Variants in KIF27 observed in about 807,000 individuals in gnomAD.
KIF27 encodes the protein kinesin-like protein KIF27.
In KIF27, 84 loss-of-function variants were observed where a neutral mutation model predicts 141.8. The observed-to-expected ratio is 0.59, with a 90% CI of 0.50 to 0.71. KIF27 has a LOEUF of 0.71. Among genes scored for constraint, KIF27 ranks in the 30% least tolerant of loss-of-function variants. KIF27 has a pLI of 0.00. For synonymous variants in KIF27, 471 were observed against 569.5 expected, an observed-to-expected ratio of 0.83 and a Z score of 2.46; for missense variants, 1,306 against 1,628.4, an observed-to-expected ratio of 0.80 and a Z score of 3.41.
At chr9:83,914,179 T>C (rs2132778890) in intron 2 of KIF27, among the ~76,000 whole-genome samples, 1 of 149,976 alleles carries the variant, frequency 6.7e-6, no homozygotes, top group East Asian at 1.9e-4. Flanking sequence ...AAGCACATAA[T>C]GGATCATTAG....
At chr9:83,859,575 A>G (rs1949649846) in intron 13 of KIF27, 2 of 528,300 alleles carry the variant, frequency 3.8e-6, no homozygotes, top group South Asian at 4.5e-5. Flanking sequence ...CTTGTTCCCC[A>G]GGCTAGAGTG....
chr9:83,837,821 T>C (rs1946064697), intron 17 of KIF27: 1 of 181,838 alleles, frequency 5.5e-6, no homozygotes, highest in Admixed American at 5.9e-5. Context: ...TTCTTGCTAC[T>C]AGTGAATTCT....
intron 15 of KIF27, among the ~76,000 whole-genome samples, chr9:83,852,156 C>G (rs73463313): frequency 6.8e-6 from 1 of 146,796 alleles, no homozygotes; most frequent in Non-Finnish European, 1.5e-5. Context: ...AAAGAGTTAT[C>G]TCTATCAGCC....
At chr9:83,883,181 G>T (rs1044759211) in intron 10 of KIF27, among the ~76,000 whole-genome samples, 1 of 152,094 alleles carries the variant, frequency 6.6e-6, no homozygotes, top group African/African-American at 2.4e-5. Context: ...TAGACCATGA[G>T]AGATAAAGAA....
At chr9:83,902,136 T>C (rs1341484884) in intron 4 of KIF27, among the ~76,000 whole-genome samples, 5 of 152,212 alleles carry the variant, frequency 3.3e-5, no homozygotes, top group African/African-American at 1.2e-4. Flanking sequence ...AAATGCCTTC[T>C]TTATAATATT....
rs555629905 is a variant in KIF27 at position 83,841,556 on chromosome 9, T to C, written c.3721+681A>G. 1.3e-3 allele frequency among the ~76,000 whole-genome samples: 201 copies of C among 152,370 alleles called. 3 individuals are homozygous for C. Among genetic ancestry groups the C allele is most frequent in the Non-Finnish European group, 8.8e-5 (6 of 68,040 alleles). ...AACCATACTTAAATTATCGAAGTTA[T>C]TAGAATTATTAGAAATTATCAGCTA... On this transcript the variant is annotated intron_variant, in intron 17 of 17. Transcript: ENST00000297814.
At chr9:83,893,725 A>G (rs1952904507) in intron 5 of KIF27, among the ~76,000 whole-genome samples, 1 of 152,060 alleles carries the variant, frequency 6.6e-6, no homozygotes, top group Admixed American at 6.6e-5. Context: ...GGTTACCCCA[A>G]AAGTAGAAGG....
chr9:83,844,184 A>AC (rs1371754879), intron 16 of KIF27, among the ~76,000 whole-genome samples: 72 of 152,042 alleles, frequency 4.7e-4, no homozygotes, highest in Non-Finnish European at 4.4e-5. Flanking sequence ...CGAACATCAG[A>AC]CCCCAAGCTC....
chr9:83,856,292 T>C (rs1394937456), intron 14 of KIF27, among the ~76,000 whole-genome samples: 1 of 152,152 alleles, frequency 6.6e-6, no homozygotes, highest in East Asian at 1.9e-4. Context: ...GAGCAAGCAC[T>C]GCAGAGATTT....
chr9:83,918,331 G>A (rs1179143681), intron 1 of KIF27, among the ~76,000 whole-genome samples: 1 of 142,662 alleles, frequency 7.0e-6, no homozygotes, highest in African/African-American at 2.6e-5. Context: ...AATGGGGGGG[G>A]GGCAGGACAG....
At chr9:83,868,366 TTCAG>T (rs1950532352) in intron 12 of KIF27, 1 of 152,340 alleles carries the variant, frequency 6.6e-6, no homozygotes, top group African/African-American at 2.4e-5. Flanking sequence ...GAATGCCTGA[TTCAG>T]TCAGTCAATG....
At chr9:83,896,158 G>A (rs371408482) in intron 5 of KIF27, among the ~76,000 whole-genome samples, 2 of 151,746 alleles carry the variant, frequency 1.3e-5, no homozygotes, top group African/African-American at 4.8e-5. Flanking sequence ...CAGGAGAATC[G>A]CTTGAGCCCG....
intron 3 of KIF27, among the ~76,000 whole-genome samples, chr9:83,907,406 G>A (rs113507470): frequency 0.033 from 5,057 of 151,698 alleles, 278 homozygotes; most frequent in African/African-American, 0.12. Flanking sequence ...ATTTCTAGGC[G>A]CTAGGATTAA....
At chr9:83,872,918 G>T (rs1244557776) in intron 11 of KIF27, among the ~76,000 whole-genome samples, 7 of 152,204 alleles carry the variant, frequency 4.6e-5, no homozygotes, top group African/African-American at 1.7e-4. Flanking sequence ...GCCCAGCCTT[G>T]CTGAAAAAGC....
At chr9:83,911,859 C>G (rs1473482766) in intron 2 of KIF27, among the ~76,000 whole-genome samples, 5 of 152,114 alleles carry the variant, frequency 3.3e-5, no homozygotes, top group Non-Finnish European at 7.3e-5. Flanking sequence ...CTAGAATAGG[C>G]AAACTAAAAG....
rs368536781 is a variant in KIF27, at chr9:83,903,620, G to A, written c.898C>T (p.Arg300Trp). ...HIPYRDAKITRLLKDSLGGSA... is the reference protein window; with the variant it reads ...HIPYRDAKITWLLKDSLGGSA... ...CCTCCCAGAGAATCTTTCAGAAGCC[G>A]GGTAATTTTAGCATCCCTATATGGA... is the stretch of plus-strand genomic sequence containing the variant. Residue 300 changes from arginine to tryptophan, a missense_variant, in exon 4 of 18, where the codon CGG (arginine) becomes TGG (tryptophan). This residue lies in a region of KIF27 where 533 missense variants were observed against 565.6 expected (regional missense o/e 0.94). Transcript: ENST00000297814. The A allele has an allele frequency of 4.7e-5, 76 of 1,613,958 alleles. No homozygotes were observed. Among genetic ancestry groups the A allele is most frequent in the East Asian group, 4.5e-4 (20 of 44,900 alleles).
intron 9 of KIF27, among the ~76,000 whole-genome samples, chr9:83,886,534 T>C (rs542882320): frequency 1.3e-5 from 2 of 152,062 alleles, no homozygotes; most frequent in African/African-American, 2.4e-5. Context: ...ATCTATTTTA[T>C]AGATAAAATA....
At chr9:83,878,273 GA>G (rs1951394352) in intron 11 of KIF27, among the ~76,000 whole-genome samples, 1 of 150,746 alleles carries the variant, frequency 6.6e-6, no homozygotes, top group Non-Finnish European at 1.5e-5. Context: ...AAAGTGAGGA[GA>G]AATTAGAACA....
intron 15 of KIF27, among the ~76,000 whole-genome samples, chr9:83,853,236 C>T (rs1948814173): frequency 6.6e-6 from 1 of 151,974 alleles, no homozygotes; most frequent in African/African-American, 2.4e-5. Context: ...GATTCCCCTA[C>T]CCTGCAGCAA....
Sources: allele counts gnomAD v4.1 joint callset (sites outside exome capture counted in the v4.1 genomes callset), GRCh38; gene constraint gnomAD v4.1.1; regional missense constraint gnomAD v4.1.1; transcripts MANE v1.5; gene names NCBI Gene and HGNC (gene_info 2026-07-23, HGNC 2026-07-21).